RAB8A: variants seen among roughly 807,000 people sequenced by gnomAD.
The protein encoded by RAB8A is ras-related protein Rab-8A.
RAB8A carries 5 observed loss-of-function variants against 29.2 expected under a neutral mutation model. The observed-to-expected ratio is 0.17, with a 90% CI of 0.09 to 0.36. RAB8A has a LOEUF of 0.36. RAB8A is among the 10% of genes least tolerant of loss of function. The pLI, the probability that RAB8A is intolerant of heterozygous loss-of-function variation, is 1.00. For missense variants in RAB8A, 171 were observed against 272.2 expected (o/e 0.63, Z 2.62); for synonymous variants, 108 against 99.9 (o/e 1.08, Z -0.49).
At chr19:16,117,276 G>T (rs2090850354) in intron 1 of RAB8A, among the ~76,000 whole-genome samples, 1 of 152,026 alleles carries the variant, frequency 6.6e-6, no homozygotes, top group African/African-American at 2.4e-5. Flanking sequence ...ATCATTTGAG[G>T]TCAGGAGTTT....
chr19:16,124,991 G>A (rs1382858724), intron 3 of RAB8A: 6 of 210,304 alleles, frequency 2.9e-5, no homozygotes, highest in Non-Finnish European at 6.0e-5. Flanking sequence ...GTGGATGTCG[G>A]GTCAGGACTT....
Position 16,125,179 on chromosome 19 carries a change from G to A in RAB8A, c.247-291G>A, listed in dbSNP as rs952345413. The A allele has an allele frequency of 1.4e-5, 7 of 504,758 alleles. No individual in the cohort carries two copies. The highest frequency in any genetic ancestry group is 3.4e-5 in the East Asian group (1 of 29,162). 31.3% of individuals were successfully genotyped at this position (504,758 alleles called of 1,614,324 possible). On this transcript the variant is annotated intron_variant, in intron 3 of 7. Coordinates refer to ENST00000300935, the MANE Select transcript of RAB8A (RefSeq NM_005370.5). The surrounding 1 kb of genome is among the most constrained non-coding windows in gnomAD (Gnocchi z 5.0). ...CCGTGGGCCATGAGGGGAGCCAGCC[G>A]GGCTTGTCAGCGAGTGCGTGGCAGG...
Position 16,127,639 on chromosome 19 carries a change from G to T in RAB8A, c.414+113G>T. 4.9e-6 allele frequency: 4 copies of T among 809,072 alleles called. No homozygotes were observed. The Admixed American group carries it at 1.2e-4, about 24-fold the overall frequency. The allele number at this position is 809,072 out of a possible 1,614,324, so 50.1% of individuals were successfully genotyped here. ...GGCCTGAGACGAGTTGGTCACCCCA[G>T]TGGGGCACGTGCCATGGGATGACAG... On this transcript the variant is annotated intron_variant, in intron 5 of 7. Coordinates refer to ENST00000300935, the MANE Select transcript of RAB8A (RefSeq NM_005370.5). The surrounding 1 kb of genome is among the most constrained non-coding windows in gnomAD (Gnocchi z 4.8).
At chr19:16,115,161 G>A (rs1219462173) in intron 1 of RAB8A, among the ~76,000 whole-genome samples, 1 of 151,132 alleles carries the variant, frequency 6.6e-6, no homozygotes, top group Non-Finnish European at 1.5e-5. Flanking sequence ...GGTGGCGCTT[G>A]CCTGTATTCC....
chr19:16,125,560 G>C lies in RAB8A; in HGVS notation c.324+13G>C, dbSNP rs547885481. 1.2e-6 allele frequency: 2 copies of C among 1,602,606 alleles called. No homozygotes were observed. The highest frequency in any genetic ancestry group is 1.4e-5 in the African/African-American group (1 of 71,462). Reference sequence around the variant, plus strand: ...CAACATTGAGGAGGTGAGGCCCTCCGGCTCCTCCCACTGTCCCTGCTTCAG... The same window carrying C: ...CAACATTGAGGAGGTGAGGCCCTCCCGCTCCTCCCACTGTCCCTGCTTCAG... On this transcript the variant is annotated intron_variant, in intron 4 of 7. Coordinates refer to ENST00000300935, the MANE Select transcript of RAB8A (RefSeq NM_005370.5). The surrounding 1 kb of genome is among the most constrained non-coding windows in gnomAD (Gnocchi z 5.0).
At chr19:16,129,080 T>C (rs571980149) in intron 6 of RAB8A, among the ~76,000 whole-genome samples, 2 of 152,328 alleles carry the variant, frequency 1.3e-5, no homozygotes, top group South Asian at 4.1e-4. Context: ...ACAGAGCTGC[T>C]TGCCTTTTTC....
rs866580212 is a variant in RAB8A, at chr19:16,125,357, G to T, written c.247-113G>T. On this transcript the variant is annotated intron_variant, in intron 3 of 7. Coordinates refer to ENST00000300935, the MANE Select transcript of RAB8A (RefSeq NM_005370.5). This position sits in a 1 kb window ranked among gnomAD's most constrained non-coding sequence, Gnocchi z 5.0. Reference sequence around the variant, plus strand: ...AGGTGGGGAGGGCGGCAGCTAATGGGCCTGGCTGTGCAGTGGGTGCTGGGC... The same window carrying T: ...AGGTGGGGAGGGCGGCAGCTAATGGTCCTGGCTGTGCAGTGGGTGCTGGGC... 1 of 886,518 alleles carries T rather than the reference G, an allele frequency of 1.1e-6. No homozygotes were observed. Among genetic ancestry groups the T allele is most frequent in the African/African-American group, 1.7e-5 (1 of 60,374 alleles). The allele number at this position is 886,518 out of a possible 1,614,324, so 54.9% of individuals were successfully genotyped here.
chr19:16,115,423 T>G (rs1207426745), intron 1 of RAB8A, among the ~76,000 whole-genome samples: 6 of 152,214 alleles, frequency 3.9e-5, no homozygotes, highest in Non-Finnish European at 8.8e-5. Flanking sequence ...CATCAAAGCC[T>G]ATTCTCAGAA....
At chr19:16,120,083 A>G (rs112605123) in intron 2 of RAB8A, among the ~76,000 whole-genome samples, 26,284 of 151,238 alleles carry the variant, frequency 0.17, 2,385 homozygotes, top group Middle Eastern at 0.21. Context: ...AAAGTGCTGG[A>G]ATTACAGGCG....
In RAB8A at chr19:16,122,708, G is replaced by T. The variant is rs1340100781; in HGVS notation, c.246+898G>T. 6.6e-6 allele frequency among the ~76,000 whole-genome samples: 1 copy of T among 152,218 alleles called. No homozygotes were observed. The highest frequency in any genetic ancestry group is 2.4e-5 in the African/African-American group (1 of 41,460). ...GGGTCTGCAGTAGTTGCTCAGGAAAGACTTGTGGAGGGTGGAGATGGAAGG... is the reference window on the plus strand; with the variant it reads ...GGGTCTGCAGTAGTTGCTCAGGAAATACTTGTGGAGGGTGGAGATGGAAGG... On this transcript the variant is annotated intron_variant, in intron 3 of 7. Coordinates refer to ENST00000300935, the MANE Select transcript of RAB8A (RefSeq NM_005370.5). The surrounding 1 kb of genome is among the most constrained non-coding windows in gnomAD (Gnocchi z 4.7).
In RAB8A at chr19:16,125,001, T is replaced by A; in HGVS notation, c.247-469T>A. The A allele has an allele frequency of 4.8e-6, 1 of 206,206 alleles. No homozygotes were observed. Among genetic ancestry groups the A allele is most frequent in the South Asian group, 8.1e-5 (1 of 12,270 alleles). 12.8% of individuals were successfully genotyped at this position (206,206 alleles called of 1,614,324 possible). A position where few individuals can be genotyped will look rare whatever the true frequency, so the allele number is the denominator to read the frequency against. ...GTTGTGTGGATGTCGGGTCAGGACT[T>A]CCTGGGCTCAGTTGTGCCTGGTAGG... On this transcript the variant is annotated intron_variant, in intron 3 of 7. Coordinates refer to ENST00000300935, the MANE Select transcript of RAB8A (RefSeq NM_005370.5). The surrounding 1 kb of genome is among the most constrained non-coding windows in gnomAD (Gnocchi z 5.0).
chr19:16,118,104 G>C, intron 1 of RAB8A, 122 bp from the exon 2 acceptor site: 1 of 740,732 alleles, frequency 1.4e-6, no homozygotes, highest in East Asian at 2.6e-5. Flanking sequence ...TGCATGCCCA[G>C]CACCAGGCAG....
chr19:16,118,890 G>A (rs916790349), intron 2 of RAB8A, among the ~76,000 whole-genome samples: 2 of 152,228 alleles, frequency 1.3e-5, no homozygotes, highest in Non-Finnish European at 2.9e-5. Context: ...ACTCCAAGTC[G>A]CCATCGCTGG....
At chr19:16,120,447 G>C (rs1053965908) in intron 2 of RAB8A, among the ~76,000 whole-genome samples, 11 of 151,330 alleles carry the variant, frequency 7.3e-5, no homozygotes, top group African/African-American at 2.7e-4. Context: ...CGAGTAGCTG[G>C]GATTACAGGC....
intron 1 of RAB8A, 130 bp from the exon 2 acceptor site, chr19:16,118,096 C>G: frequency 1.4e-6 from 1 of 699,858 alleles, no homozygotes; most frequent in South Asian, 1.6e-5. Flanking sequence ...CGACATCCTG[C>G]ATGCCCAGCA....
At chr19:16,116,358 AGT>A (rs1173652903) in intron 1 of RAB8A, among the ~76,000 whole-genome samples, 3 of 152,174 alleles carry the variant, frequency 2.0e-5, no homozygotes, top group Admixed American at 2.0e-4. Flanking sequence ...ATTCGAGGGA[AGT>A]GGGGCAGGGA....
At chr19:16,114,360 T>C (rs972983835) in intron 1 of RAB8A, among the ~76,000 whole-genome samples, 8 of 146,864 alleles carry the variant, frequency 5.4e-5, no homozygotes, top group Non-Finnish European at 1.5e-5. Context: ...TTCCCAGCCT[T>C]CCCCACAAAC....
At chr19:16,121,455 T>C (rs774801809) in intron 2 of RAB8A, among the ~76,000 whole-genome samples, 7 of 152,138 alleles carry the variant, frequency 4.6e-5, no homozygotes, top group Non-Finnish European at 8.8e-5. Context: ...CATGACTGGC[T>C]CTTCTGTGAA....
In RAB8A at chr19:16,127,559, C is replaced by T. The variant is rs766197014; in HGVS notation, c.414+33C>T. 2.7e-5 allele frequency: 39 copies of T among 1,459,354 alleles called. No homozygotes were observed. The African/African-American group carries it at 2.7e-4, about 10-fold the overall frequency. 90.4% of individuals were successfully genotyped at this position (1,459,354 alleles called of 1,614,324 possible). On this transcript the variant is annotated intron_variant, in intron 5 of 7. Transcript: ENST00000300935. This position sits in a 1 kb window ranked among gnomAD's most constrained non-coding sequence, Gnocchi z 4.8. ...TGGTGGCACAAGGGGCAGAGGGCCT[C>T]GGGGTCTTGGGGTTCTTGTGCAGAG... is the stretch of plus-strand genomic sequence containing the variant.
Sources: allele counts gnomAD v4.1 joint callset (sites outside exome capture counted in the v4.1 genomes callset), GRCh38; gene constraint gnomAD v4.1.1; non-coding constraint Gnocchi (gnomAD v3.1); transcripts MANE v1.5; gene names NCBI Gene and HGNC (gene_info 2026-07-23, HGNC 2026-07-21).